The following STXBP5L variants were observed in gnomAD, a reference collection of about 807,000 sequenced individuals.
STXBP5L encodes syntaxin binding protein 5L, also known as syntaxin-binding protein 5-like.
In STXBP5L, 65 loss-of-function variants were observed where a neutral mutation model predicts 144.5. That is an observed-to-expected ratio of 0.45 (90% CI 0.37 to 0.55). STXBP5L has a LOEUF of 0.55. Ranked by LOEUF, STXBP5L falls within the 20% of genes least tolerant of loss-of-function variation. The pLI is 0.00. For missense variants in STXBP5L, 1,298 were observed against 1,405.5 expected (o/e 0.92, Z 1.22); for synonymous variants, 505 against 469.6 (o/e 1.08, Z -0.97).
chr3:121,316,843 A>AT (rs1372684466), intron 19 of STXBP5L, among the ~76,000 whole-genome samples: 4 of 152,082 alleles, frequency 2.6e-5, no homozygotes, highest in African/African-American at 9.7e-5. Context: ...TTCTCTGCCC[A>AT]TTTTTTCACT....
At chr3:121,026,430 A>G (rs922229598) in intron 3 of STXBP5L, among the ~76,000 whole-genome samples, 13 of 152,088 alleles carry the variant, frequency 8.5e-5, no homozygotes, top group Non-Finnish European at 1.9e-4. Flanking sequence ...TCACTAGCTT[A>G]TATTTTCTCA....
intron 20 of STXBP5L, among the ~76,000 whole-genome samples, chr3:121,336,030 G>A (rs1047534982): frequency 2.0e-5 from 3 of 152,078 alleles, no homozygotes; most frequent in Non-Finnish European, 4.4e-5. Flanking sequence ...TCTGACAAAG[G>A]ACTAATATCC....
At chr3:120,952,188 G>T (rs921140631) in intron 2 of STXBP5L, among the ~76,000 whole-genome samples, 1 of 151,790 alleles carries the variant, frequency 6.6e-6, no homozygotes, top group Non-Finnish European at 1.5e-5. Context: ...ATAGCATTGG[G>T]AGATATAACT....
At chr3:121,189,324 A>T (rs940952998) in intron 9 of STXBP5L, among the ~76,000 whole-genome samples, 1 of 152,182 alleles carries the variant, frequency 6.6e-6, no homozygotes, top group African/African-American at 2.4e-5. Flanking sequence ...GGTATTGCCT[A>T]GGTTTTCTTC....
chr3:121,349,893 G>A (rs1190818085), intron 20 of STXBP5L, among the ~76,000 whole-genome samples: 2 of 152,026 alleles, frequency 1.3e-5, no homozygotes, highest in East Asian at 1.9e-4. Context: ...GCACACTGAT[G>A]GGTCTTGACT....
intron 15 of STXBP5L, among the ~76,000 whole-genome samples, chr3:121,251,782 T>G (rs1329803484): frequency 6.6e-6 from 1 of 151,878 alleles, no homozygotes; most frequent in Admixed American, 6.6e-5. Context: ...AGGAAGAAGG[T>G]TGAATATTGA....
At chr3:121,327,277 T>A (rs2044179445) in intron 20 of STXBP5L, among the ~76,000 whole-genome samples, 1 of 152,204 alleles carries the variant, frequency 6.6e-6, no homozygotes, top group Non-Finnish European at 1.5e-5. Flanking sequence ...TATTTAGGGT[T>A]AAGCATAAAA....
chr3:121,321,174 G>T (rs1230570404), intron 20 of STXBP5L, among the ~76,000 whole-genome samples: 1 of 152,150 alleles, frequency 6.6e-6, no homozygotes, highest in African/African-American at 2.4e-5. Flanking sequence ...TGGTCTACTA[G>T]ACAGGTCCCA....
At chr3:120,982,765 A>T (rs1438536473) in intron 3 of STXBP5L, among the ~76,000 whole-genome samples, 2 of 152,106 alleles carry the variant, frequency 1.3e-5, no homozygotes, top group Non-Finnish European at 2.9e-5. Context: ...GGTTGGCCTG[A>T]CTTAGACCCT....
intron 9 of STXBP5L, among the ~76,000 whole-genome samples, chr3:121,179,945 A>G (rs1022442591): frequency 2.6e-5 from 4 of 152,210 alleles, no homozygotes; most frequent in Admixed American, 6.5e-5. Context: ...ATCATGTGAA[A>G]TGGCCAAACC....
chr3:121,412,938 G>C (rs560668475), intron 23 of STXBP5L, among the ~76,000 whole-genome samples: 1 of 151,940 alleles, frequency 6.6e-6, no homozygotes, highest in African/African-American at 2.4e-5. Flanking sequence ...GGAGGCTGAG[G>C]CGTGAGAATC....
chr3:121,152,387 A>G (rs2045963114), intron 7 of STXBP5L, 90 bp from the exon 8 acceptor site: 3 of 922,416 alleles, frequency 3.3e-6, no homozygotes, highest in Non-Finnish European at 4.9e-6. Context: ...GTTATGTGGT[A>G]TGATTTTACT....
chr3:120,984,252 G>C (rs1424536461), intron 3 of STXBP5L, among the ~76,000 whole-genome samples: 1 of 152,144 alleles, frequency 6.6e-6, no homozygotes, highest in East Asian at 1.9e-4. Flanking sequence ...GGCTGATGGA[G>C]CCTAAAATGA....
At chr3:121,193,657 T>C (rs557613213) in intron 9 of STXBP5L, among the ~76,000 whole-genome samples, 1 of 152,046 alleles carries the variant, frequency 6.6e-6, no homozygotes, top group African/African-American at 2.4e-5. Context: ...AAAGGATGAG[T>C]CCATTTTCCT....
chr3:121,052,130 A>G (rs887858345), intron 5 of STXBP5L, among the ~76,000 whole-genome samples: 1 of 152,210 alleles, frequency 6.6e-6, no homozygotes, highest in East Asian at 1.9e-4. Context: ...AGATGGATTC[A>G]CAACCGAATT....
At chr3:121,284,440 C>T (rs1210521134) in intron 19 of STXBP5L, among the ~76,000 whole-genome samples, 1 of 152,090 alleles carries the variant, frequency 6.6e-6, no homozygotes, top group African/African-American at 2.4e-5. Flanking sequence ...GTACACAGTA[C>T]AGGCTTGCCT....
intron 5 of STXBP5L, among the ~76,000 whole-genome samples, chr3:121,106,213 G>T (rs1489962560): frequency 6.6e-6 from 1 of 151,968 alleles, no homozygotes; most frequent in Non-Finnish European, 1.5e-5. Flanking sequence ...GAAGAAAAAC[G>T]GATGTGTGTG....
chr3:121,146,488 C>T (rs2045715265), intron 7 of STXBP5L, among the ~76,000 whole-genome samples: 1 of 151,990 alleles, frequency 6.6e-6, no homozygotes, highest in South Asian at 2.1e-4. Context: ...AAGTAGGTAG[C>T]TTTGTTCTAA....
At chr3:121,342,851 G>A (rs1405729921) in intron 20 of STXBP5L, among the ~76,000 whole-genome samples, 3 of 147,578 alleles carry the variant, frequency 2.0e-5, no homozygotes, top group Non-Finnish European at 4.5e-5. Flanking sequence ...TAGTCCTTTG[G>A]GTACATACCC....
Sources: gnomAD v4.1 joint callset for allele counts (sites outside exome capture counted in the v4.1 genomes callset) on GRCh38, gnomAD v4.1.1 for gene constraint, MANE v1.5 for transcripts, NCBI Gene and HGNC (gene_info 2026-07-23, HGNC 2026-07-21) for gene names.